The following CDKAL1 variants were observed in gnomAD, a reference collection of about 807,000 sequenced individuals.
CDKAL1 encodes threonylcarbamoyladenosine tRNA methylthiotransferase.
Under a neutral mutation model 68.2 loss-of-function variants are expected in CDKAL1, and 32 were observed. The ratio of observed to expected loss-of-function variants is 0.47; its 90% CI spans 0.35 to 0.63. The LOEUF (loss-of-function observed/expected upper bound fraction) is 0.63, where lower values mean the gene tolerates loss of function less well. Among genes scored for constraint, CDKAL1 ranks in the 30% least tolerant of loss-of-function variants. CDKAL1 has a pLI of 0.00. For synonymous variants in CDKAL1, 234 were observed against 244.3 expected (o/e 0.96, Z 0.39); for missense variants, 606 against 696.7 (o/e 0.87, Z 1.47).
intron 7 of CDKAL1, among the ~76,000 whole-genome samples, chr6:20,763,722 C>T (rs1393290784): frequency 1.3e-5 from 2 of 152,180 alleles, no homozygotes; most frequent in East Asian, 3.8e-4. Flanking sequence ...TAATAAGGTA[C>T]ATTGATACTA....
chr6:20,568,744 A>C (rs1047515346), intron 4 of CDKAL1, among the ~76,000 whole-genome samples: 17 of 82,028 alleles, frequency 2.1e-4, no homozygotes, highest in East Asian at 5.2e-4. Flanking sequence ...CAAAAAAAAA[A>C]AAAAAACAAA....
At chr6:21,062,234 A>T (rs539990247) in intron 11 of CDKAL1, among the ~76,000 whole-genome samples, 6 of 152,204 alleles carry the variant, frequency 3.9e-5, no homozygotes, top group African/African-American at 1.4e-4. Flanking sequence ...AGTATTTCCC[A>T]TGCAGTTTCT....
intron 5 of CDKAL1, among the ~76,000 whole-genome samples, chr6:20,676,687 AAATAAATAAAT>A (rs1210885458): frequency 8.5e-5 from 12 of 141,834 alleles, no homozygotes; most frequent in African/African-American, 3.6e-4. Flanking sequence ...ATAAATAAAT[AAATAAATAAAT>A]AAATAAAATA....
intron 9 of CDKAL1, among the ~76,000 whole-genome samples, chr6:20,940,148 C>T (rs12196595): frequency 0.099 from 15,017 of 152,002 alleles, 737 homozygotes; most frequent in South Asian, 0.14. Context: ...TTGTGAATGC[C>T]ACTTTTTAAT....
At chr6:20,920,013 G>A (rs1199632931) in intron 9 of CDKAL1, among the ~76,000 whole-genome samples, 1 of 152,142 alleles carries the variant, frequency 6.6e-6, no homozygotes, top group East Asian at 1.9e-4. Flanking sequence ...TGAAAACAGT[G>A]ACAGTTTTCT....
chr6:21,083,389 T>C (rs534667286), intron 12 of CDKAL1, among the ~76,000 whole-genome samples: 1 of 152,238 alleles, frequency 6.6e-6, no homozygotes, highest in South Asian at 2.1e-4. Flanking sequence ...GTATAACCCT[T>C]AGTGAGATGA....
intron 9 of CDKAL1, among the ~76,000 whole-genome samples, chr6:20,874,804 CA>C (rs1760414784): frequency 6.6e-6 from 1 of 151,588 alleles, no homozygotes; most frequent in African/African-American, 2.4e-5. Context: ...TGCCAGGCCA[CA>C]ATATTTTAAT....
intron 15 of CDKAL1, among the ~76,000 whole-genome samples, chr6:21,211,002 T>C (rs558360215): frequency 9.2e-5 from 14 of 152,318 alleles, no homozygotes; most frequent in Non-Finnish European, 1.8e-4. Flanking sequence ...ATATCACATC[T>C]GACTGTGGAA....
chr6:20,901,274 T>G (rs1014564617), intron 9 of CDKAL1, among the ~76,000 whole-genome samples: 2 of 152,204 alleles, frequency 1.3e-5, no homozygotes, highest in African/African-American at 2.4e-5. Context: ...TTTAATATTT[T>G]TATTCAACTA....
intron 4 of CDKAL1, among the ~76,000 whole-genome samples, chr6:20,571,234 G>C (rs1000539662): frequency 6.6e-6 from 1 of 152,188 alleles, no homozygotes; most frequent in Non-Finnish European, 1.5e-5. Context: ...GTCAAGCCAT[G>C]TAATCTCCCT....
At chr6:20,832,465 C>T (rs1378471681) in intron 8 of CDKAL1, among the ~76,000 whole-genome samples, 1 of 149,860 alleles carries the variant, frequency 6.7e-6, no homozygotes, top group Non-Finnish European at 1.5e-5. Flanking sequence ...GAGACCCTGT[C>T]TCTAATTAAA....
intron 13 of CDKAL1, among the ~76,000 whole-genome samples, chr6:21,168,378 G>A (rs752144857): frequency 1.5e-4 from 23 of 152,142 alleles, no homozygotes; most frequent in Non-Finnish European, 3.4e-4. Flanking sequence ...ATGTCAAGCA[G>A]CCTAGAAAGA....
chr6:20,683,618 A>G (rs1770483247), intron 5 of CDKAL1, among the ~76,000 whole-genome samples: 2 of 152,198 alleles, frequency 1.3e-5, no homozygotes, highest in Admixed American at 6.5e-5. Context: ...GAGATGTTCC[A>G]TATATCCCCT....
intron 13 of CDKAL1, among the ~76,000 whole-genome samples, chr6:21,147,398 T>C (rs1052147766): frequency 1.3e-5 from 2 of 152,166 alleles, no homozygotes; most frequent in Admixed American, 1.3e-4. Flanking sequence ...AAATAGAATA[T>C]GATGGGGGTA....
chr6:20,752,284 G>T (rs1274554626), intron 6 of CDKAL1, among the ~76,000 whole-genome samples: 1 of 150,512 alleles, frequency 6.6e-6, no homozygotes, highest in Non-Finnish European at 1.5e-5. Flanking sequence ...TCTTTTTAAG[G>T]TCCTGGGGTT....
At chr6:21,184,281 A>G (rs1448821977) in intron 13 of CDKAL1, among the ~76,000 whole-genome samples, 2 of 147,304 alleles carry the variant, frequency 1.4e-5, no homozygotes, top group African/African-American at 2.5e-5. Flanking sequence ...TGCAATCTCT[A>G]CCTCCCAGGT....
At chr6:20,913,116 T>TACACAC (rs70990080) in intron 9 of CDKAL1, among the ~76,000 whole-genome samples, 6,931 of 136,428 alleles carry the variant, frequency 0.051, 213 homozygotes, top group African/African-American at 0.07. Flanking sequence ...CACAGTTGTT[T>TACACAC]ACACACACAC....
chr6:20,842,297 G>A (rs925282624), intron 8 of CDKAL1, among the ~76,000 whole-genome samples: 3 of 152,028 alleles, frequency 2.0e-5, no homozygotes, highest in South Asian at 2.1e-4. Flanking sequence ...TTAAAGCTAA[G>A]ACAATAGCAA....
At chr6:20,935,466 T>C (rs979890489) in intron 9 of CDKAL1, among the ~76,000 whole-genome samples, 1 of 151,890 alleles carries the variant, frequency 6.6e-6, no homozygotes, top group Non-Finnish European at 1.5e-5. Flanking sequence ...TTTCACTCTG[T>C]TGCCCAGGCT....
Sources: gnomAD v4.1 joint callset for allele counts (sites outside exome capture counted in the v4.1 genomes callset) on GRCh38, gnomAD v4.1.1 for gene constraint, MANE v1.5 for transcripts, NCBI Gene and HGNC (gene_info 2026-07-23, HGNC 2026-07-21) for gene names.